Variants in PDE3A observed in about 807,000 individuals in gnomAD.
PDE3A encodes cGMP-inhibited 3',5'-cyclic phosphodiesterase 3A.
Under a neutral mutation model 98.3 loss-of-function variants are expected in PDE3A, and 43 were observed. The observed-to-expected ratio is 0.44, with a 90% CI of 0.34 to 0.56. The LOEUF (loss-of-function observed/expected upper bound fraction) is 0.56, where lower values mean the gene tolerates loss of function less well. Among genes scored for constraint, PDE3A ranks in the 20% least tolerant of loss-of-function variants. PDE3A has a pLI of 0.01. For synonymous variants in PDE3A, 663 were observed against 567.9 expected (o/e 1.17, Z -2.38); for missense variants, 1,427 against 1,440.7 (o/e 0.99, Z 0.15).
chr12:20,443,439 ATT>A (rs898720158), intron 1 of PDE3A, among the ~76,000 whole-genome samples: 1 of 151,242 alleles, frequency 6.6e-6, no homozygotes, highest in African/African-American at 2.4e-5. Flanking sequence ...GTAATACCTC[ATT>A]TTTTTTTAGA....
chr12:20,369,190 CGTGTGT>C lies in PDE3A; in HGVS notation c.-79_-74del, dbSNP rs140759925. ...GGTGGAATTGGGAAGAGCGTGCGTG[CGTGTGT>C]GTGTGTGTGTGTGTGCGCGCGCGCG... On this transcript the variant is annotated 5_prime_UTR_variant, in exon 1 of 16. Coordinates refer to ENST00000359062, the MANE Select transcript of PDE3A (RefSeq NM_000921.5). The C allele has an allele frequency of 1.7e-3, 1,084 of 646,724 alleles. No homozygotes were observed. Among genetic ancestry groups the C allele is most frequent in the South Asian group, 2.8e-3 (118 of 42,742 alleles). 40.1% of individuals were successfully genotyped at this position (646,724 alleles called of 1,614,324 possible). A position where few individuals can be genotyped will look rare whatever the true frequency, so the allele number is the denominator to read the frequency against.
intron 1 of PDE3A, among the ~76,000 whole-genome samples, chr12:20,375,627 A>G (rs1367140458): frequency 6.6e-6 from 1 of 151,998 alleles, no homozygotes; most frequent in East Asian, 1.9e-4. Context: ...CCTTTGATCA[A>G]TCAACCTACC....
At chr12:20,641,945 T>C (rs1048488693) in intron 10 of PDE3A, among the ~76,000 whole-genome samples, 9 of 152,252 alleles carry the variant, frequency 5.9e-5, no homozygotes, top group African/African-American at 2.2e-4. Flanking sequence ...TTTTATCTAA[T>C]AATATTTCAT....
intron 1 of PDE3A, among the ~76,000 whole-genome samples, chr12:20,507,102 A>G (rs1052466075): frequency 6.6e-6 from 1 of 151,988 alleles, no homozygotes; most frequent in African/African-American, 2.4e-5. Flanking sequence ...ACAGTTCCGC[A>G]TTCACTTTTT....
intron 1 of PDE3A, among the ~76,000 whole-genome samples, chr12:20,400,559 A>T (rs11045219): frequency 0.19 from 29,287 of 151,530 alleles, 2,998 homozygotes; most frequent in Admixed American, 0.28. Flanking sequence ...GGCGCCCGCC[A>T]CTGCGCCCGT....
chr12:20,480,622 G>A (rs775893291), intron 1 of PDE3A, among the ~76,000 whole-genome samples: 1 of 152,100 alleles, frequency 6.6e-6, no homozygotes, highest in Non-Finnish European at 1.5e-5. Flanking sequence ...CTTATTGACT[G>A]TTTTCATCTC....
intron 1 of PDE3A, among the ~76,000 whole-genome samples, chr12:20,530,418 C>G (rs942933369): frequency 6.6e-6 from 1 of 151,010 alleles, no homozygotes; most frequent in African/African-American, 2.4e-5. Flanking sequence ...TGTGAGTATC[C>G]AATAATAGAT....
Position 20,368,558 on chromosome 12 carries a change from T to C in PDE3A, c.-727T>C, listed in dbSNP as rs1205047486. On this transcript the variant is annotated 5_prime_UTR_variant, in exon 1 of 16. Coordinates refer to ENST00000359062, the MANE Select transcript of PDE3A (RefSeq NM_000921.5). ...TGCCGCTAGTCTCTCGGTCTGGCTC[T>C]CTCTCCGACGGGACTTAGCAACTTC... Among the ~76,000 whole-genome samples, 3 of 151,112 alleles carry C rather than the reference T, an allele frequency of 2.0e-5. No individual in the cohort carries two copies. The highest frequency in any genetic ancestry group is 4.4e-5 in the Non-Finnish European group (3 of 67,836).
chr12:20,581,535 C>G (rs566129811), intron 2 of PDE3A, among the ~76,000 whole-genome samples: 2 of 151,592 alleles, frequency 1.3e-5, no homozygotes, highest in South Asian at 4.2e-4. Context: ...GATGTATTTT[C>G]AACATTATAG....
chr12:20,542,210 C>CT (rs1405837705), intron 1 of PDE3A, among the ~76,000 whole-genome samples: 1 of 151,848 alleles, frequency 6.6e-6, no homozygotes, highest in African/African-American at 2.4e-5. Flanking sequence ...TTGTAAAAGA[C>CT]TTTTTGGAAA....
chr12:20,551,922 G>A, intron 1 of PDE3A: 1 of 1,613,332 alleles, frequency 6.2e-7, no homozygotes, highest in East Asian at 2.2e-5. Context: ...CCATGTGGCG[G>A]TTCCGAGTCC....
chr12:20,464,976 AGCAG>A (rs1945315318), intron 1 of PDE3A, among the ~76,000 whole-genome samples: 1 of 152,236 alleles, frequency 6.6e-6, no homozygotes, highest in Non-Finnish European at 1.5e-5. Context: ...TGAATTAAGA[AGCAG>A]TTACATATGA....
At chr12:20,463,399 T>C (rs1247785639) in intron 1 of PDE3A, among the ~76,000 whole-genome samples, 3 of 152,180 alleles carry the variant, frequency 2.0e-5, no homozygotes, top group Non-Finnish European at 4.4e-5. Context: ...TTTGCAATAT[T>C]AAGTATATAG....
intron 4 of PDE3A, among the ~76,000 whole-genome samples, chr12:20,618,489 T>C (rs186866557): frequency 8.5e-5 from 13 of 152,170 alleles, no homozygotes; most frequent in Admixed American, 6.5e-4. Flanking sequence ...TATATACAGC[T>C]GGATAATTTA....
At chr12:20,578,194 G>A (rs938361729) in intron 2 of PDE3A, among the ~76,000 whole-genome samples, 2 of 152,096 alleles carry the variant, frequency 1.3e-5, no homozygotes, top group Non-Finnish European at 2.9e-5. Flanking sequence ...TCATAAATAA[G>A]CTATATTCTT....
chr12:20,400,573 C>T (rs1218047958), intron 1 of PDE3A, among the ~76,000 whole-genome samples: 1 of 151,470 alleles, frequency 6.6e-6, no homozygotes, highest in Non-Finnish European at 1.5e-5. Context: ...CGCCCGTGAC[C>T]GCACCCGGCT....
intron 1 of PDE3A, among the ~76,000 whole-genome samples, chr12:20,484,301 A>T (rs555589745): frequency 6.0e-4 from 92 of 152,322 alleles, no homozygotes; most frequent in African/African-American, 2.2e-3. Context: ...TATATAATTC[A>T]GTAATAGTCT....
chr12:20,495,811 A>G (rs1945908869), intron 1 of PDE3A, among the ~76,000 whole-genome samples: 1 of 152,166 alleles, frequency 6.6e-6, no homozygotes, highest in Non-Finnish European at 1.5e-5. Context: ...GGTTGTACCA[A>G]TTTACACTCC....
At chr12:20,465,460 G>A (rs915940268) in intron 1 of PDE3A, among the ~76,000 whole-genome samples, 6 of 151,912 alleles carry the variant, frequency 3.9e-5, no homozygotes, top group Admixed American at 3.3e-4. Flanking sequence ...ACCCAGGCTG[G>A]AGTGCTGTGG....
Sources: allele counts gnomAD v4.1 joint callset (sites outside exome capture counted in the v4.1 genomes callset), GRCh38; gene constraint gnomAD v4.1.1; transcripts MANE v1.5; gene names NCBI Gene and HGNC (gene_info 2026-07-23, HGNC 2026-07-21).